Variants in PREX1 observed in about 807,000 individuals in gnomAD.
PREX1 encodes phosphatidylinositol 3,4,5-trisphosphate-dependent Rac exchanger 1 protein.
Under a neutral mutation model 198.3 loss-of-function variants are expected in PREX1, and 41 were observed. That is an observed-to-expected ratio of 0.21 (90% confidence interval 0.16 to 0.27). The LOEUF is 0.27. PREX1 is among the 10% of genes least tolerant of loss of function. The pLI is 1.00. For synonymous variants in PREX1, 843 were observed against 887.2 expected (o/e 0.95, Z 0.89); for missense variants, 1,620 against 2,200.7 (o/e 0.74, Z 5.28).
At chr20:48,728,835 C>A (rs1441762262) in intron 4 of PREX1, among the ~76,000 whole-genome samples, 1 of 151,776 alleles carries the variant, frequency 6.6e-6, no homozygotes, top group Non-Finnish European at 1.5e-5. Flanking sequence ...TAAAAAAAAA[C>A]AAAAACAAAA....
At chr20:48,745,823 C>T (rs1355108536) in intron 2 of PREX1, among the ~76,000 whole-genome samples, 2 of 152,178 alleles carry the variant, frequency 1.3e-5, no homozygotes, top group African/African-American at 2.4e-5. Context: ...GCCACACACA[C>T]AGGATATGCG....
At chr20:48,815,692 T>C (rs1164764916) in intron 1 of PREX1, among the ~76,000 whole-genome samples, 2 of 152,118 alleles carry the variant, frequency 1.3e-5, no homozygotes, top group East Asian at 1.9e-4. Flanking sequence ...AACAACCCAG[T>C]TGGCAAATCA....
chr20:48,748,095 T>C (rs952811206), intron 1 of PREX1, among the ~76,000 whole-genome samples: 2 of 152,088 alleles, frequency 1.3e-5, no homozygotes, highest in African/African-American at 4.8e-5. Flanking sequence ...GGGTGTGCTG[T>C]GCACCTACGA....
intron 1 of PREX1, among the ~76,000 whole-genome samples, chr20:48,763,123 C>A (rs912456085): frequency 6.6e-6 from 1 of 152,176 alleles, no homozygotes; most frequent in African/African-American, 2.4e-5. Flanking sequence ...TATGGTGGTA[C>A]GTGAATTATA....
At chr20:48,777,571 G>A (rs2090268233) in intron 1 of PREX1, among the ~76,000 whole-genome samples, 1 of 152,158 alleles carries the variant, frequency 6.6e-6, no homozygotes, top group Non-Finnish European at 1.5e-5. Context: ...AACCTGAAAT[G>A]CTGTTGCCCT....
upstream of PREX1, among the ~76,000 whole-genome samples, chr20:48,830,144 G>C (rs1047529183): frequency 6.6e-6 from 1 of 152,130 alleles, no homozygotes; most frequent in Non-Finnish European, 1.5e-5. Flanking sequence ...TGGGAGGATT[G>C]TTTGATCCCA....
chr20:48,650,142 G>T lies in PREX1; in HGVS notation c.2882C>A (p.Pro961Gln), dbSNP rs41283554. 3 of 1,613,984 alleles carry T rather than the reference G, an allele frequency of 1.9e-6. No individual in the cohort carries two copies. The highest frequency in any genetic ancestry group is 2.5e-6 in the Non-Finnish European group (3 of 1,179,906). ...PFKQAPLEPH[P>Q]LCGLDFCPTN... ...GGGGCAGAAGTCCAGGCCACACAGC[G>T]GGTGGGGCTCCAGGGGGGCTTGTTT... is the stretch of plus-strand genomic sequence containing the variant. The change falls in exon 24 of 40, where the codon CCG becomes CAG. Residue 961 changes from proline (P) to glutamine (Q), a missense_variant. Physicochemically the swap from Pro to Gln is moderately conservative, Grantham distance 76. Around this residue, in one of 7 missense-constraint regions of PREX1, gnomAD observed 514 missense variants for 611.6 expected, o/e 0.84. Transcript: ENST00000371941.
intron 4 of PREX1, among the ~76,000 whole-genome samples, chr20:48,727,530 G>C (rs1413892011): frequency 6.6e-6 from 1 of 152,024 alleles, no homozygotes; most frequent in Non-Finnish European, 1.5e-5. Flanking sequence ...GTGTCCAGCA[G>C]GCCTCTAGGG....
intron 23 of PREX1, among the ~76,000 whole-genome samples, 163 bp from the exon 24 acceptor site, chr20:48,650,369 C>T (rs562374099): frequency 2.0e-5 from 3 of 152,378 alleles, no homozygotes; most frequent in South Asian, 2.1e-4. Context: ...CTGTGTTTCA[C>T]GGCTCAGGAC....
At chr20:48,806,939 G>C (rs1051209972) in intron 1 of PREX1, among the ~76,000 whole-genome samples, 7 of 152,160 alleles carry the variant, frequency 4.6e-5, no homozygotes, top group African/African-American at 1.7e-4. Flanking sequence ...CTCAGAAGAG[G>C]TATAGGGACA....
At chr20:48,884,829 C>G in the PREX1 span, among the ~76,000 whole-genome samples, 1 of 152,030 alleles carries the variant, frequency 6.6e-6, no homozygotes, top group Admixed American at 6.6e-5. Context: ...ACAAATAAAC[C>G]GGCAGGGCAC....
chr20:48,698,584 A>G (rs1407412155), intron 7 of PREX1, among the ~76,000 whole-genome samples: 5 of 152,172 alleles, frequency 3.3e-5, no homozygotes, highest in African/African-American at 4.8e-5. Flanking sequence ...GACAGACCTC[A>G]AGGAGTGGGC....
chr20:48,851,985 G>A, the PREX1 span, among the ~76,000 whole-genome samples: 18 of 151,932 alleles, frequency 1.2e-4, no homozygotes, highest in African/African-American at 4.4e-4. Flanking sequence ...AATTCCATAA[G>A]CCACAAATTC....
intron 5 of PREX1, among the ~76,000 whole-genome samples, chr20:48,722,772 C>T (rs769997978): frequency 3.0e-4 from 46 of 152,202 alleles, no homozygotes; most frequent in Non-Finnish European, 4.9e-4. Flanking sequence ...TGCAGTCAGC[C>T]CCAGGATGTC....
the PREX1 span, among the ~76,000 whole-genome samples, chr20:48,860,813 G>A: frequency 2.7e-5 from 4 of 146,912 alleles, no homozygotes; most frequent in Non-Finnish European, 6.0e-5. Flanking sequence ...CTGGCTGGGC[G>A]ACAAAGTGAG....
intron 10 of PREX1, among the ~76,000 whole-genome samples, chr20:48,687,626 G>A (rs892904499): frequency 3.9e-5 from 6 of 152,164 alleles, no homozygotes; most frequent in African/African-American, 9.7e-5. Context: ...TAAAGTTCCC[G>A]CATTGCCGGC....
chr20:48,749,237 C>T (rs185301571), intron 1 of PREX1, among the ~76,000 whole-genome samples: 7 of 152,268 alleles, frequency 4.6e-5, no homozygotes, highest in Non-Finnish European at 8.8e-5. Context: ...CACATGGAGA[C>T]CCCTGGGAAA....
chr20:48,628,288 T>A (rs2089288806), intron 37 of PREX1, among the ~76,000 whole-genome samples: 1 of 152,178 alleles, frequency 6.6e-6, no homozygotes, highest in Non-Finnish European at 1.5e-5. Context: ...AGTGGGGGAC[T>A]CCCTGGGAGC....
the PREX1 span, among the ~76,000 whole-genome samples, chr20:48,862,975 C>G: frequency 2.0e-5 from 3 of 151,586 alleles, no homozygotes; most frequent in Non-Finnish European, 4.4e-5. Context: ...TAGGCATACA[C>G]CACCACATCC....
Sources: gnomAD v4.1 joint callset for allele counts (sites outside exome capture counted in the v4.1 genomes callset) on GRCh38, gnomAD v4.1.1 for gene constraint, gnomAD v4.1.1 regional missense constraint, MANE v1.5 for transcripts, NCBI Gene and HGNC (gene_info 2026-07-23, HGNC 2026-07-21) for gene names.